PLCB1: variants seen among roughly 807,000 people sequenced by gnomAD.
PLCB1 encodes phospholipase C beta 1.
PLCB1 carries 46 observed loss-of-function variants against 161.8 expected under a neutral mutation model. That is an observed-to-expected ratio of 0.28 (90% confidence interval 0.22 to 0.36). The LOEUF is 0.36. PLCB1 is among the 10% of genes least tolerant of loss of function. The pLI, the probability that PLCB1 is intolerant of heterozygous loss-of-function variation, is 1.00. For synonymous variants in PLCB1, 517 were observed against 503.7 expected (o/e 1.03, Z -0.35); for missense variants, 1,016 against 1,472.5 (o/e 0.69, Z 5.07).
chr20:8,359,598 A>G (rs1986473796), intron 2 of PLCB1, among the ~76,000 whole-genome samples: 1 of 152,088 alleles, frequency 6.6e-6, no homozygotes, highest in Non-Finnish European at 1.5e-5. Flanking sequence ...TGATGATGAG[A>G]AAAAGCTTTT....
intron 9 of PLCB1, among the ~76,000 whole-genome samples, chr20:8,670,622 A>C (rs1178591944): frequency 2.0e-5 from 3 of 152,350 alleles, no homozygotes; most frequent in Non-Finnish European, 4.4e-5. Flanking sequence ...ATAACACATG[A>C]AAACAGGTGC....
intron 1 of PLCB1, among the ~76,000 whole-genome samples, chr20:8,140,783 A>C (rs1345305825): frequency 6.6e-6 from 1 of 151,976 alleles, no homozygotes; most frequent in East Asian, 1.9e-4. Flanking sequence ...AACAACAACA[A>C]CAAAAAACTT....
intron 18 of PLCB1, 58 bp downstream of exon 18, chr20:8,729,232 C>T (rs1457667368): frequency 2.1e-6 from 3 of 1,449,548 alleles, no homozygotes; most frequent in Non-Finnish European, 2.8e-6. Flanking sequence ...TGTCCAAAAA[C>T]CATTCTTACA....
At chr20:8,428,998 G>A (rs764427737) in intron 3 of PLCB1, among the ~76,000 whole-genome samples, 2 of 152,194 alleles carry the variant, frequency 1.3e-5, no homozygotes, top group Admixed American at 1.3e-4. Flanking sequence ...TGGAAGAGAA[G>A]GGCCTTTTAA....
chr20:8,407,205 A>G (rs546975224), intron 3 of PLCB1, among the ~76,000 whole-genome samples: 1 of 152,236 alleles, frequency 6.6e-6, no homozygotes, highest in Admixed American at 6.5e-5. Context: ...TCTTTCATAC[A>G]GAATAGTCCC....
At chr20:8,762,541 A>G (rs1982095751) in intron 25 of PLCB1, among the ~76,000 whole-genome samples, 1 of 152,242 alleles carries the variant, frequency 6.6e-6, no homozygotes, top group Non-Finnish European at 1.5e-5. Flanking sequence ...CAAACTGCCT[A>G]TAGCTGATAT....
chr20:8,532,411 G>T (rs1270370311), intron 3 of PLCB1, among the ~76,000 whole-genome samples: 3 of 152,130 alleles, frequency 2.0e-5, no homozygotes, highest in Non-Finnish European at 4.4e-5. Flanking sequence ...CACCTGGCCT[G>T]CATTTCACAC....
intron 3 of PLCB1, among the ~76,000 whole-genome samples, chr20:8,616,095 C>G (rs777649933): frequency 4.6e-5 from 7 of 152,096 alleles, no homozygotes; most frequent in Non-Finnish European, 1.0e-4. Flanking sequence ...CTGATTTTGC[C>G]TCTTACATAT....
At chr20:8,253,514 T>A (rs1981260677) in intron 2 of PLCB1, among the ~76,000 whole-genome samples, 1 of 152,012 alleles carries the variant, frequency 6.6e-6, no homozygotes, top group African/African-American at 2.4e-5. Flanking sequence ...ATTTATTGCC[T>A]GGGGCTAAAT....
chr20:8,563,501 C>T (rs1286886557), intron 3 of PLCB1, among the ~76,000 whole-genome samples: 1 of 151,894 alleles, frequency 6.6e-6, no homozygotes, highest in Non-Finnish European at 1.5e-5. Flanking sequence ...AGTTTGTCTC[C>T]TGGACACAGT....
intron 2 of PLCB1, among the ~76,000 whole-genome samples, chr20:8,200,113 T>G (rs2123124336): frequency 6.6e-6 from 1 of 152,258 alleles, no homozygotes; most frequent in African/African-American, 2.4e-5. Context: ...TAATATCTTC[T>G]CCCTCTTGGA....
intron 31 of PLCB1, among the ~76,000 whole-genome samples, chr20:8,815,858 A>G (rs1011030821): frequency 1.3e-4 from 20 of 152,346 alleles, no homozygotes; most frequent in Admixed American, 5.2e-4. Flanking sequence ...TATAGCATCA[A>G]TAATATCTAT....
intron 3 of PLCB1, among the ~76,000 whole-genome samples, chr20:8,532,920 A>T (rs1301411507): frequency 6.6e-6 from 1 of 151,980 alleles, no homozygotes; most frequent in African/African-American, 2.4e-5. Flanking sequence ...TGTACAGGTT[A>T]GTTACATATG....
chr20:8,428,514 C>T (rs1210398101), intron 3 of PLCB1, among the ~76,000 whole-genome samples: 1 of 152,172 alleles, frequency 6.6e-6, no homozygotes, highest in Non-Finnish European at 1.5e-5. Flanking sequence ...AGCCACCATG[C>T]CCAGCCAACT....
At chr20:8,527,274 C>T (rs1199179736) in intron 3 of PLCB1, among the ~76,000 whole-genome samples, 1 of 152,004 alleles carries the variant, frequency 6.6e-6, no homozygotes, top group East Asian at 1.9e-4. Context: ...TCTGAGCTCA[C>T]CAAATGGTGA....
chr20:8,662,479 T>G (rs1422787976), intron 9 of PLCB1, among the ~76,000 whole-genome samples: 1 of 140,642 alleles, frequency 7.1e-6, no homozygotes, highest in African/African-American at 2.6e-5. Flanking sequence ...GTATAATATA[T>G]ATATAATTTT....
rs749168952 is a variant in PLCB1 at position 8,765,373 on chromosome 20, T to C, written c.2930+15T>C. 3.5e-5 allele frequency: 55 copies of C among 1,565,120 alleles called. No homozygotes were observed. Among genetic ancestry groups the C allele is most frequent in the Non-Finnish European group, 4.7e-5 (54 of 1,142,412 alleles). On this transcript the variant is annotated intron_variant, in intron 26 of 31. Coordinates refer to ENST00000338037, the MANE Select transcript of PLCB1 (RefSeq NM_015192.4). ...AGTAAGAAAAAGTAAGTTCAATGAATATTTTTAGTTGGTTTCATAGCATGA... is the reference window on the plus strand; with the variant it reads ...AGTAAGAAAAAGTAAGTTCAATGAACATTTTTAGTTGGTTTCATAGCATGA...
At chr20:8,754,106 G>A (rs1981618191) in intron 23 of PLCB1, among the ~76,000 whole-genome samples, 1 of 152,172 alleles carries the variant, frequency 6.6e-6, no homozygotes, top group Non-Finnish European at 1.5e-5. Flanking sequence ...CAACCATAAA[G>A]TATTTGCCTG....
intron 10 of PLCB1, among the ~76,000 whole-genome samples, 158 bp from the exon 11 acceptor site, chr20:8,697,468 A>G (rs1217908256): frequency 6.6e-6 from 1 of 152,214 alleles, no homozygotes; most frequent in African/African-American, 2.4e-5. Flanking sequence ...AAATTGAGCC[A>G]TTACCTTCTG....
Sources: allele counts gnomAD v4.1 joint callset (sites outside exome capture counted in the v4.1 genomes callset), GRCh38; gene constraint gnomAD v4.1.1; transcripts MANE v1.5; gene names NCBI Gene and HGNC (gene_info 2026-07-23, HGNC 2026-07-21).